CABP1: variants seen among roughly 807,000 people sequenced by gnomAD.
CABP1 encodes calcium binding protein 1.
Under a neutral mutation model 34.3 loss-of-function variants are expected in CABP1, and 17 were observed. That is an observed-to-expected ratio of 0.50 (90% CI 0.34 to 0.74). The LOEUF (loss-of-function observed/expected upper bound fraction) is 0.74. Ranked by LOEUF, CABP1 falls within the 30% of genes least tolerant of loss-of-function variation. The probability of loss-of-function intolerance (pLI) is 0.01; values close to 1 mark genes in which losing one functional copy is unlikely to be tolerated. For missense variants in CABP1, 373 were observed against 511.1 expected (o/e 0.73, Z 2.61); for synonymous variants, 198 against 229.2 (o/e 0.86, Z 1.23).
chr12:120,660,200 C>G lies in CABP1; in HGVS notation c.690C>G (p.Leu230=). The G allele has an allele frequency of 6.2e-7, 1 of 1,614,116 alleles. No individual in the cohort carries two copies. The highest frequency in any genetic ancestry group is 1.1e-5 in the South Asian group (1 of 91,076). Residue 230 remains leucine, a synonymous_variant, in exon 3 of 6, where the codon CTC becomes CTG. Transcript: ENST00000316803. The surrounding 1 kb of genome is among the most constrained non-coding windows in gnomAD (Gnocchi z 5.0). ...CACCTTTGCTCACTTCCCCAGAGCT[C>G]CGAGAGGCCTTCAGAGAATTCGACA... is the stretch of plus-strand genomic sequence containing the variant. ...RSLRPEEIEE[L]REAFREFDKD...
intron 1 of CABP1, among the ~76,000 whole-genome samples, chr12:120,642,925 G>C (rs1879401109): frequency 7.2e-6 from 1 of 138,446 alleles, no homozygotes; most frequent in Non-Finnish European, 1.5e-5. Flanking sequence ...CAGTTTGGAA[G>C]GGTAGGTCAT....
At chr12:120,645,328 G>A (rs973335171) in intron 1 of CABP1, among the ~76,000 whole-genome samples, 1 of 152,220 alleles carries the variant, frequency 6.6e-6, no homozygotes, top group Non-Finnish European at 1.5e-5. Context: ...ATCAGCCACA[G>A]GTGATAGGAG....
At chr12:120,647,208 C>T (rs536282802) in intron 1 of CABP1, among the ~76,000 whole-genome samples, 17 of 152,106 alleles carry the variant, frequency 1.1e-4, no homozygotes, top group African/African-American at 3.6e-4. Context: ...CAGGGGAAGA[C>T]GGCGCTTTCT....
the CABP1 span, among the ~76,000 whole-genome samples, chr12:120,673,801 G>C: frequency 6.6e-6 from 1 of 152,304 alleles, no homozygotes; most frequent in South Asian, 2.1e-4. Context: ...TGACCAGGGG[G>C]ATGATGTGAT....
chr12:120,673,477 G>C, the CABP1 span, among the ~76,000 whole-genome samples: 3 of 151,988 alleles, frequency 2.0e-5, no homozygotes, highest in African/African-American at 7.3e-5. Flanking sequence ...CTAGCTACGT[G>C]GGAGGCTGAG....
In CABP1 at chr12:120,660,070, T is replaced by C. The variant is rs1880530201; in HGVS notation, c.686-126T>C. On this transcript the variant is annotated intron_variant, in intron 2 of 5. Coordinates refer to ENST00000316803, the MANE Select transcript of CABP1 (RefSeq NM_001033677.2). The surrounding 1 kb of genome is among the most constrained non-coding windows in gnomAD (Gnocchi z 5.0). ...AGGTGTGCACAGGAGGCAAGAGAAA[T>C]GCCCCAGCATCCTGGGAAGCTCCTG... 5 of 1,363,916 alleles carry C rather than the reference T, an allele frequency of 3.7e-6. No individual in the cohort carries two copies. Among genetic ancestry groups the C allele is most frequent in the Non-Finnish European group, 4.1e-6 (4 of 981,616 alleles). The allele number at this position is 1,363,916 out of a possible 1,614,324, so 84.5% of individuals were successfully genotyped here. A position where few individuals can be genotyped will look rare whatever the true frequency, so the allele number is the denominator to read the frequency against.
chr12:120,656,930 G>A (rs1880266146), intron 1 of CABP1, among the ~76,000 whole-genome samples: 1 of 152,120 alleles, frequency 6.6e-6, no homozygotes, highest in African/African-American at 2.4e-5. Flanking sequence ...GGAGTGCAGA[G>A]GTCACATGCT....
intron 5 of CABP1, among the ~76,000 whole-genome samples, chr12:120,663,602 A>G (rs1020416751): frequency 1.3e-5 from 2 of 152,240 alleles, no homozygotes; most frequent in African/African-American, 2.4e-5. Flanking sequence ...TAAAGAATCA[A>G]TAGTAATCAT....
At chr12:120,654,531 C>A (rs1880044103) in intron 1 of CABP1, among the ~76,000 whole-genome samples, 1 of 152,068 alleles carries the variant, frequency 6.6e-6, no homozygotes, top group Non-Finnish European at 1.5e-5. Context: ...GGTGCGCAGA[C>A]CTGCACTTCT....
At chr12:120,672,847 T>C in the CABP1 span, among the ~76,000 whole-genome samples, 1 of 151,570 alleles carries the variant, frequency 6.6e-6, no homozygotes, top group Non-Finnish European at 1.5e-5. Context: ...CTGGCCAACA[T>C]GGCGAAAACC....
rs559541093 is a variant in CABP1, at chr12:120,641,229, C to G, written c.544C>G (p.Arg182Gly). 7.8e-7 allele frequency: 1 copy of G among 1,274,012 alleles called. No individual in the cohort carries two copies. Among genetic ancestry groups the G allele is most frequent in the South Asian group, 2.6e-5 (1 of 37,748 alleles). The allele number at this position is 1,274,012 out of a possible 1,614,324, so 78.9% of individuals were successfully genotyped here. The change falls in exon 1 of 6, where the codon CGG (arginine) becomes GGG (glycine). Residue 182 changes from arginine (R) to glycine (G), a missense_variant. This residue lies in a region of CABP1 where 121 missense variants were observed against 125.5 expected (regional missense o/e 0.96). Coordinates refer to ENST00000316803, the MANE Select transcript of CABP1 (RefSeq NM_001033677.2). This position sits in a 1 kb window ranked among gnomAD's most constrained non-coding sequence, Gnocchi z 6.7. ...ERGLSPALGLRGSLRARGRGD... is the reference protein window; with the variant it reads ...ERGLSPALGLGGSLRARGRGD... Reference sequence around the variant, plus strand: ...GGGACTGTCCCCGGCGCTCGGCCTCCGGGGCTCTCTGCGAGCCCGGGGCCG... The same window carrying G: ...GGGACTGTCCCCGGCGCTCGGCCTCGGGGGCTCTCTGCGAGCCCGGGGCCG...
the CABP1 span, among the ~76,000 whole-genome samples, chr12:120,679,323 A>G: frequency 6.6e-6 from 1 of 152,240 alleles, no homozygotes; most frequent in Admixed American, 6.5e-5. Flanking sequence ...ATGCCAAAAC[A>G]TTGGATTCTG....
At chr12:120,657,907 G>C (rs1880343072) in intron 1 of CABP1, among the ~76,000 whole-genome samples, 1 of 152,156 alleles carries the variant, frequency 6.6e-6, no homozygotes, top group Non-Finnish European at 1.5e-5. Context: ...TCAGTAGCTG[G>C]TCCTAGGGCG....
Position 120,640,764 on chromosome 12 carries a change from C to T in CABP1, c.79C>T (p.Arg27Cys), listed in dbSNP as rs1039627459. The T allele has an allele frequency of 2.6e-6, 3 of 1,159,330 alleles. No homozygotes were observed. In the African/African-American group the frequency reaches 4.9e-5, roughly 19 times the overall value. The allele number at this position is 1,159,330 out of a possible 1,614,324, so 71.8% of individuals were successfully genotyped here. A position where few individuals can be genotyped will look rare whatever the true frequency, so the allele number is the denominator to read the frequency against. ...CCAGCGCGTCCTCGGGCTTGGCTCC[C>T]GCCGGGAGCCCCGTTCTCTGCCCGC... ...RLQRVLGLGS[R>C]REPRSLPAGG... The change falls in exon 1 of 6, where the codon CGC becomes TGC. Residue 27 changes from arginine to cysteine, a missense_variant. Physicochemically the swap from Arg to Cys is radical, Grantham distance 180 (BLOSUM62 -3). This residue lies in a region of CABP1 where 134 missense variants were observed against 145.4 expected (regional missense o/e 0.92). Transcript: ENST00000316803. The surrounding 1 kb of genome is among the most constrained non-coding windows in gnomAD (Gnocchi z 6.2).
intron 1 of CABP1, among the ~76,000 whole-genome samples, chr12:120,647,900 C>A (rs1401209693): frequency 6.6e-6 from 1 of 152,098 alleles, no homozygotes; most frequent in Non-Finnish European, 1.5e-5. Context: ...TTAGCCTCTA[C>A]ATCAGTGCTT....
At chr12:120,651,728 G>A (rs774934185) in intron 1 of CABP1, among the ~76,000 whole-genome samples, 9 of 152,234 alleles carry the variant, frequency 5.9e-5, no homozygotes, top group Non-Finnish European at 1.0e-4. Flanking sequence ...TCTGCCTGTC[G>A]TCTTCCTCAT....
chr12:120,653,289 A>G (rs949370578), intron 1 of CABP1, among the ~76,000 whole-genome samples: 4 of 152,106 alleles, frequency 2.6e-5, no homozygotes, highest in Non-Finnish European at 5.9e-5. Context: ...TCCTCTTGCC[A>G]TGCCCTAGCC....
the CABP1 span, among the ~76,000 whole-genome samples, chr12:120,679,146 C>CTACAA: frequency 1.3e-5 from 2 of 151,198 alleles, no homozygotes; most frequent in Admixed American, 1.3e-4. Context: ...TTTAACAGTC[C>CTACAA]TACAAGGTGG....
chr12:120,661,057 C>G lies in CABP1; in HGVS notation c.940-14C>G. On this transcript the variant is annotated splice_polypyrimidine_tract_variant and intron_variant, in intron 4 of 5. Transcript: ENST00000316803. The surrounding 1 kb of genome is among the most constrained non-coding windows in gnomAD (Gnocchi z 5.1). ...ATGCTGGGGCGACCTCTCCTTCCTT[C>G]CTGCCTTCTCTAGTTTGACACCAAT... 1 of 1,609,762 alleles carries G rather than the reference C, an allele frequency of 6.2e-7. No individual in the cohort carries two copies. Among genetic ancestry groups the G allele is most frequent in the Non-Finnish European group, 8.5e-7 (1 of 1,177,888 alleles).
Sources: gnomAD v4.1 joint callset for allele counts (sites outside exome capture counted in the v4.1 genomes callset) on GRCh38, gnomAD v4.1.1 for gene constraint, gnomAD v4.1.1 regional missense constraint, Gnocchi (gnomAD v3.1) non-coding constraint, MANE v1.5 for transcripts, NCBI Gene and HGNC (gene_info 2026-07-23, HGNC 2026-07-21) for gene names.